Variants in PCNX2 observed in about 807,000 individuals in gnomAD.
PCNX2 encodes pecanex-like protein 2.
Under a neutral mutation model 223.8 loss-of-function variants are expected in PCNX2, and 168 were observed. That is an observed-to-expected ratio of 0.75 (90% CI 0.66 to 0.85). The LOEUF is 0.85. Ranked by LOEUF, PCNX2 falls within the 40% of genes least tolerant of loss-of-function variation. The pLI, the probability that PCNX2 is intolerant of heterozygous loss-of-function variation, is 0.00. For synonymous variants in PCNX2, 1,006 were observed against 1,052.6 expected (o/e 0.96, Z 0.86); for missense variants, 2,507 against 2,675.5 (o/e 0.94, Z 1.39).
intron 8 of PCNX2, among the ~76,000 whole-genome samples, chr1:233,247,757 A>G (rs1572147446): frequency 1.3e-5 from 2 of 152,088 alleles, no homozygotes; most frequent in Non-Finnish European, 2.9e-5. Flanking sequence ...GGGCACCTGT[A>G]ATCCCAGCTA....
chr1:233,317,991 C>T, the PCNX2 span, among the ~76,000 whole-genome samples: 1 of 152,218 alleles, frequency 6.6e-6, no homozygotes, highest in Non-Finnish European at 1.5e-5. Context: ...TGGTGGGTTA[C>T]ACCAAATTAT....
At chr1:233,043,244 G>C (rs1572040541) in intron 25 of PCNX2, among the ~76,000 whole-genome samples, 1 of 152,076 alleles carries the variant, frequency 6.6e-6, no homozygotes, top group African/African-American at 2.4e-5. Context: ...AGCAGAAATG[G>C]ATAATCAACC....
At chr1:233,194,802 G>A (rs1680627716) in intron 15 of PCNX2, among the ~76,000 whole-genome samples, 1 of 152,048 alleles carries the variant, frequency 6.6e-6, no homozygotes, top group Admixed American at 6.6e-5. Flanking sequence ...GGATCACGAG[G>A]TCAGGAGATT....
intron 1 of PCNX2, among the ~76,000 whole-genome samples, chr1:233,266,168 G>A (rs1660322476): frequency 1.3e-5 from 2 of 152,094 alleles, no homozygotes; most frequent in East Asian, 3.9e-4. Flanking sequence ...TGCTATGCAT[G>A]GTACATTGTT....
At chr1:233,148,803 C>T (rs1677622277) in intron 19 of PCNX2, among the ~76,000 whole-genome samples, 1 of 152,198 alleles carries the variant, frequency 6.6e-6, no homozygotes, top group Admixed American at 6.5e-5. Flanking sequence ...AAACATTTAA[C>T]AGATAAATGA....
chr1:233,274,026 T>C (rs1280539608), intron 1 of PCNX2, among the ~76,000 whole-genome samples: 1 of 152,228 alleles, frequency 6.6e-6, no homozygotes, highest in East Asian at 1.9e-4. Context: ...TAAATTACAT[T>C]GTGATAAAGT....
Position 233,159,316 on chromosome 1 carries a change from C to T in PCNX2, c.3517+967G>A, listed in dbSNP as rs189034952. 2.8e-4 allele frequency among the ~76,000 whole-genome samples: 43 copies of T among 152,294 alleles called. 1 individual carries two copies. The highest frequency in any genetic ancestry group is 1.2e-3 in the Admixed American group (19 of 15,298). On this transcript the variant is annotated intron_variant, in intron 19 of 33. Transcript: ENST00000258229. ...TGGACAGCATCTTCAGTGACTCTTG[C>T]ATATTTATTTTAAAAATTATTTTCC...
At chr1:233,045,282 C>T (rs1247197136) in intron 25 of PCNX2, among the ~76,000 whole-genome samples, 1 of 152,192 alleles carries the variant, frequency 6.6e-6, no homozygotes, top group Non-Finnish European at 1.5e-5. Context: ...TTAGGCCAAG[C>T]TCATAACAAT....
chr1:233,042,374 T>G (rs1250997624), intron 25 of PCNX2, among the ~76,000 whole-genome samples: 1 of 152,216 alleles, frequency 6.6e-6, no homozygotes, highest in East Asian at 1.9e-4. Flanking sequence ...CTGCTTCTTC[T>G]CTGCAGTGGT....
At chr1:233,110,659 C>G (rs1675062360) in intron 21 of PCNX2, among the ~76,000 whole-genome samples, 1 of 151,916 alleles carries the variant, frequency 6.6e-6, no homozygotes, top group South Asian at 2.1e-4. Flanking sequence ...GAGCAATTTT[C>G]CTCTAAAGCA....
intron 25 of PCNX2, among the ~76,000 whole-genome samples, chr1:233,040,765 AATCTCTACCCCTGCAATG>A (rs1671615969): frequency 1.3e-5 from 2 of 152,110 alleles, no homozygotes; most frequent in African/African-American, 2.4e-5. Context: ...TGCCCGGTCC[AATCTCTACCCCTGCAATG>A]ATCTCTACCC....
intron 28 of PCNX2, among the ~76,000 whole-genome samples, chr1:233,008,933 G>C (rs1344493534): frequency 6.6e-6 from 1 of 152,196 alleles, no homozygotes; most frequent in Non-Finnish European, 1.5e-5. Flanking sequence ...GAGCAGCTGG[G>C]CCACCCCAGG....
intron 21 of PCNX2, among the ~76,000 whole-genome samples, chr1:233,119,598 C>A (rs199607024): frequency 3.3e-4 from 46 of 139,154 alleles, no homozygotes; most frequent in Admixed American, 5.0e-4. Flanking sequence ...AAAAAAAAAA[C>A]AAAAACAAAA....
intron 32 of PCNX2, among the ~76,000 whole-genome samples, chr1:232,994,957 A>G (rs531507177): frequency 6.6e-6 from 1 of 152,278 alleles, no homozygotes; most frequent in East Asian, 1.9e-4. Flanking sequence ...CTCAGGTAGT[A>G]CCTTTGTAGC....
At chr1:233,197,787 G>C (rs1680821703) in intron 15 of PCNX2, among the ~76,000 whole-genome samples, 1 of 152,064 alleles carries the variant, frequency 6.6e-6, no homozygotes, top group Non-Finnish European at 1.5e-5. Context: ...CACTGACATT[G>C]ATCAGTTTAA....
intron 28 of PCNX2, among the ~76,000 whole-genome samples, chr1:233,008,380 G>A (rs928178130): frequency 1.3e-5 from 2 of 152,214 alleles, no homozygotes; most frequent in African/African-American, 4.8e-5. Flanking sequence ...GGGTTGGAGG[G>A]ATGGGAGCCA....
chr1:233,245,865 C>G (rs113835870), intron 8 of PCNX2, among the ~76,000 whole-genome samples: 18,616 of 152,090 alleles, frequency 0.12, 3,188 homozygotes, highest in African/African-American at 0.39. Context: ...GCAGTGAGCC[C>G]AGATCGCGCC....
rs568241402 is a variant in PCNX2, at chr1:233,261,181, T to C, written c.517+104A>G. 25 of 1,054,296 alleles carry C rather than the reference T, an allele frequency of 2.4e-5. No homozygotes were observed. The East Asian group carries it at 5.3e-4, about 22-fold the overall frequency. The allele number at this position is 1,054,296 out of a possible 1,614,324, so 65.3% of individuals were successfully genotyped here. A position where few individuals can be genotyped will look rare whatever the true frequency, so the allele number is the denominator to read the frequency against. On this transcript the variant is annotated intron_variant, in intron 4 of 33. Coordinates refer to ENST00000258229, the MANE Select transcript of PCNX2 (RefSeq NM_014801.4). Reference sequence around the variant, plus strand: ...AAATATAACTATGCAGTCTTAGGTATAGTTCTTATTTTCAATTAATCCACT... The same window carrying C: ...AAATATAACTATGCAGTCTTAGGTACAGTTCTTATTTTCAATTAATCCACT...
In PCNX2 at chr1:233,032,830, C is replaced by T. The variant is rs150346291; in HGVS notation, c.4352-7431G>A. 446 of 316,440 alleles carry T rather than the reference C, an allele frequency of 1.4e-3. 11 individuals carry two copies. In the East Asian group the frequency reaches 0.046, roughly 33 times the overall value. 19.6% of individuals were successfully genotyped at this position (316,440 alleles called of 1,614,324 possible). A position where few individuals can be genotyped will look rare whatever the true frequency, so the allele number is the denominator to read the frequency against. On this transcript the variant is annotated intron_variant, in intron 25 of 33. Coordinates refer to ENST00000258229, the MANE Select transcript of PCNX2 (RefSeq NM_014801.4). ...GATGGCTTAGACTTGACAGATACATCGTAGCTGCCAACAGTTGAAAAGCTT... is the reference window on the plus strand; with the variant it reads ...GATGGCTTAGACTTGACAGATACATTGTAGCTGCCAACAGTTGAAAAGCTT...
Sources: allele counts gnomAD v4.1 joint callset (sites outside exome capture counted in the v4.1 genomes callset), GRCh38; gene constraint gnomAD v4.1.1; transcripts MANE v1.5; gene names NCBI Gene and HGNC (gene_info 2026-07-23, HGNC 2026-07-21).